Variants in KNL1 observed in about 807,000 individuals in gnomAD.
KNL1 encodes the protein kinetochore scaffold 1, also known as outer kinetochore KNL1 complex subunit KNL1.
A neutral mutation model predicts 201.3 loss-of-function variants in KNL1; 66 were observed. That is an observed-to-expected ratio of 0.33 (90% CI 0.27 to 0.40). The LOEUF (loss-of-function observed/expected upper bound fraction) is 0.40, where lower values mean the gene tolerates loss of function less well. Ranked by LOEUF, KNL1 falls within the 10% of genes least tolerant of loss-of-function variation. KNL1 has a pLI of 1.00. For missense variants in KNL1, 2,815 were observed against 2,690.5 expected (o/e 1.05, Z -1.02); for synonymous variants, 895 against 899.2 (o/e 1.00, Z 0.08).
Position 40,662,372 on chromosome 15 carries a change from A to G in KNL1, c.*184A>G. On this transcript the variant is annotated 3_prime_UTR_variant, in exon 26 of 26. Coordinates refer to ENST00000399668, the MANE Select transcript of KNL1 (RefSeq NM_144508.5). Reference sequence around the variant, plus strand: ...ATGATGGTGATGAAGTCTGGATGGTAGGCCTCATAGCCTACTATCAACTTA... The same window carrying G: ...ATGATGGTGATGAAGTCTGGATGGTGGGCCTCATAGCCTACTATCAACTTA... 2 of 522,992 alleles carry G rather than the reference A, an allele frequency of 3.8e-6. No homozygotes were observed. The allele number at this position is 522,992 out of a possible 1,614,324, so 32.4% of individuals were successfully genotyped here. A position where few individuals can be genotyped will look rare whatever the true frequency, so the allele number is the denominator to read the frequency against.
intron 2 of KNL1, among the ~76,000 whole-genome samples, chr15:40,603,330 A>G (rs1891870617): frequency 6.6e-6 from 1 of 152,204 alleles, no homozygotes; most frequent in Non-Finnish European, 1.5e-5. Context: ...GAGTGAGAAC[A>G]TGCGGTGTTT....
At chr15:40,641,741 G>C (rs1411994567) in intron 14 of KNL1, among the ~76,000 whole-genome samples, 1 of 152,184 alleles carries the variant, frequency 6.6e-6, no homozygotes, top group Non-Finnish European at 1.5e-5. Context: ...AACACTTCTG[G>C]TCCCAAGCAT....
chr15:40,642,688 C>T (rs773370029), intron 14 of KNL1, among the ~76,000 whole-genome samples: 3 of 152,124 alleles, frequency 2.0e-5, no homozygotes, highest in Admixed American at 6.6e-5. Context: ...AGTGCAGTAG[C>T]GCCATCTCGG....
At chr15:40,646,881 T>G (rs1285967937) in intron 16 of KNL1, 106 bp from the exon 17 acceptor site, 2 of 437,922 alleles carry the variant, frequency 4.6e-6, no homozygotes, top group Non-Finnish European at 8.4e-6. Context: ...AAAAAAAAGA[T>G]TTGCCTGTTT....
intron 10 of KNL1, chr15:40,626,125 C>G (rs1317817137): frequency 6.6e-6 from 1 of 151,906 alleles, no homozygotes; most frequent in African/African-American, 2.4e-5. Context: ...AGTTGAGAGT[C>G]CATTTTCTTT....
chr15:40,629,351 C>T lies in KNL1; in HGVS notation c.5662C>T (p.Gln1888Ter). Residue 1888 changes from glutamine (Q) to a stop codon, truncating the protein, a stop_gained, in exon 13 of 26, where the codon CAG (glutamine) becomes TAG (stop). Coordinates refer to ENST00000399668, the MANE Select transcript of KNL1 (RefSeq NM_144508.5). LOFTEE classifies it high-confidence loss of function. ...CCACATCTTGATACAGAAACCCCGA[C>T]AGAGCAATCTCCCAGGCAATGTAAG... ...QVHILIQKPRQSNLPGNFTVN... is the reference protein window; with the variant it reads ...QVHILIQKPR 1 of 1,604,460 alleles carries T rather than the reference C, an allele frequency of 6.2e-7. No homozygotes were observed. Among genetic ancestry groups the T allele is most frequent in the Non-Finnish European group, 8.5e-7 (1 of 1,177,548 alleles).
At chr15:40,654,759 C>T (rs1893669773) in intron 21 of KNL1, 150 bp from the exon 22 acceptor site, 1 of 568,670 alleles carries the variant, frequency 1.8e-6, no homozygotes, top group South Asian at 2.0e-5. Context: ...GTCCCAGCTA[C>T]TCAGGAGGCT....
Position 40,620,690 on chromosome 15 carries a change from A to C in KNL1, c.426A>C (p.Thr142=). 1 of 1,602,518 alleles carries C rather than the reference A, an allele frequency of 6.2e-7. No homozygotes were observed. The highest frequency in any genetic ancestry group is 8.5e-7 in the Non-Finnish European group (1 of 1,176,818). ...TRERKHANDQ[T]VIFSDENQMD... is the part of the protein sequence containing the mutation. ...AAAGGAAACATGCAAATGACCAGAC[A>C]GTCATTTTTTCAGATGAAAACCAGA... The change falls in exon 10 of 26, where the codon ACA becomes ACC. Residue 142 remains threonine (T), a synonymous_variant. Coordinates refer to ENST00000399668, the MANE Select transcript of KNL1 (RefSeq NM_144508.5).
In KNL1 at chr15:40,654,856, G is replaced by A. The variant is rs563340731; in HGVS notation, c.6416-53G>A. On this transcript the variant is annotated intron_variant, in intron 21 of 25. Coordinates refer to ENST00000399668, the MANE Select transcript of KNL1 (RefSeq NM_144508.5). ...TGCACTCCAGCCTGGGAGACAAAGT[G>A]AGACTCTCTGTCTAAAAAAATTTTT... 9.6e-6 allele frequency: 13 copies of A among 1,359,812 alleles called. No individual in the cohort carries two copies. In the African/African-American group the frequency reaches 1.6e-4, roughly 16 times the overall value. 84.2% of individuals were successfully genotyped at this position (1,359,812 alleles called of 1,614,324 possible).
intron 25 of KNL1, among the ~76,000 whole-genome samples, chr15:40,661,428 G>T (rs1448291378): frequency 2.0e-5 from 3 of 152,008 alleles, no homozygotes; most frequent in Non-Finnish European, 4.4e-5. Context: ...GGAGAAAGAG[G>T]TTGCCGTGAG....
chr15:40,628,329 G>T, intron 11 of KNL1, 121 bp downstream of exon 11: 1 of 995,356 alleles, frequency 1.0e-6, no homozygotes, highest in Non-Finnish European at 1.4e-6. Context: ...ATAAAAAGTT[G>T]ATCAGTAAAA....
chr15:40,626,872 G>A (rs955093562), intron 10 of KNL1, among the ~76,000 whole-genome samples: 6 of 151,286 alleles, frequency 4.0e-5, no homozygotes, highest in South Asian at 2.1e-4. Context: ...AAGCCACCAC[G>A]GCCCATAATG....
intron 9 of KNL1, 27 bp from the exon 10 acceptor site, chr15:40,620,613 A>G: frequency 1.4e-6 from 2 of 1,443,772 alleles, no homozygotes; most frequent in Middle Eastern, 1.8e-4. Flanking sequence ...TTTTGTTCTG[A>G]TCTCTTATAT....
chr15:40,628,617 G>A lies in KNL1; in HGVS notation c.5522G>A (p.Arg1841His), dbSNP rs201880719. The change falls in exon 12 of 26, where the codon CGC becomes CAC. Residue 1841 changes from arginine to histidine, a missense_variant. By Grantham distance (29) the Arg-to-His change is conservative (BLOSUM62 0). Transcript: ENST00000399668. ...DGTSLDFSTY[R>H]SSQMESQFLR... ...GAATTTGCTTTACTTCTAGCTTACC[G>A]CAGTAGTCAAATGGAATCACAGTTT... is the stretch of plus-strand genomic sequence containing the variant. 1.2e-3 allele frequency: 1,880 copies of A among 1,599,294 alleles called. No homozygotes were observed. Among genetic ancestry groups the A allele is most frequent in the Non-Finnish European group, 1.5e-3 (1,723 of 1,170,520 alleles).
rs564338377 is a variant in KNL1 at position 40,603,103 on chromosome 15, A to G, written c.35+137A>G. 11 of 567,984 alleles carry G rather than the reference A, an allele frequency of 1.9e-5. No individual in the cohort carries two copies. The South Asian group carries it at 2.4e-4, about 12-fold the overall frequency. The allele number at this position is 567,984 out of a possible 1,614,324, so 35.2% of individuals were successfully genotyped here. On this transcript the variant is annotated intron_variant, in intron 2 of 25. Transcript: ENST00000399668. ...AAAAAGTAGTAGTTTTTTTTTTTAA[A>G]TTATACTTTAAGTTCTAGGGTACAT...
rs550609181 is a variant in KNL1 at position 40,663,185 on chromosome 15, G to C, written c.*997G>C. On this transcript the variant is annotated 3_prime_UTR_variant, in exon 26 of 26. Transcript: ENST00000399668. The stretch of plus-strand genomic sequence containing the variant: ...CGCCATTCTCCTGCCTCAGCCTCCC[G>C]AGTAGCTGGGACTACAGGTGCCCAC... The C allele has an allele frequency of 6.4e-6, 1 of 157,320 alleles. No individual in the cohort carries two copies. Among genetic ancestry groups the C allele is most frequent in the African/African-American group, 2.4e-5 (1 of 41,016 alleles). The allele number at this position is 157,320 out of a possible 1,614,324, so 9.7% of individuals were successfully genotyped here.
At chr15:40,656,064 C>T (rs1262525612) in intron 22 of KNL1, among the ~76,000 whole-genome samples, 1 of 152,100 alleles carries the variant, frequency 6.6e-6, no homozygotes, top group Non-Finnish European at 1.5e-5. Flanking sequence ...GCGATTTGTT[C>T]CCCATTTTAC....
At chr15:40,651,941 C>A in intron 20 of KNL1, 64 bp from the exon 21 acceptor site, 4 of 1,092,938 alleles carry the variant, frequency 3.7e-6, no homozygotes, top group South Asian at 2.6e-5. Flanking sequence ...TGGGTGGTAT[C>A]AGAAGTTCTC....
intron 3 of KNL1, among the ~76,000 whole-genome samples, chr15:40,605,933 A>G (rs1316432393): frequency 6.6e-6 from 1 of 152,152 alleles, no homozygotes; most frequent in Non-Finnish European, 1.5e-5. Flanking sequence ...CTTTCCCTAT[A>G]ATTACTGTGA....
Sources: allele counts gnomAD v4.1 joint callset (sites outside exome capture counted in the v4.1 genomes callset), GRCh38; gene constraint gnomAD v4.1.1; transcripts MANE v1.5; gene names NCBI Gene and HGNC (gene_info 2026-07-23, HGNC 2026-07-21).